Variants in NRXN3 observed in about 807,000 individuals in gnomAD.
NRXN3 encodes the protein neurexin 3.
Under a neutral mutation model 137.6 loss-of-function variants are expected in NRXN3, and 32 were observed. That is an observed-to-expected ratio of 0.23 (90% CI 0.18 to 0.31). The LOEUF is 0.31. NRXN3 is among the 10% of genes least tolerant of loss of function. NRXN3 has a pLI of 1.00. For missense variants in NRXN3, 1,574 were observed against 2,062.5 expected (o/e 0.76, Z 4.59); for synonymous variants, 798 against 784.5 (o/e 1.02, Z -0.29).
chr14:78,667,916 T>C (rs1035891076), intron 6 of NRXN3, among the ~76,000 whole-genome samples: 3 of 152,100 alleles, frequency 2.0e-5, no homozygotes, highest in African/African-American at 7.2e-5. Context: ...CCCGAGTAGC[T>C]GGGATTACAA....
chr14:78,354,117 T>C (rs1285848472), intron 4 of NRXN3, among the ~76,000 whole-genome samples: 1 of 152,202 alleles, frequency 6.6e-6, no homozygotes. Context: ...CTACTATTAA[T>C]GAAAATCTGT....
chr14:79,097,631 A>G (rs2050581657), intron 15 of NRXN3, among the ~76,000 whole-genome samples: 1 of 152,216 alleles, frequency 6.6e-6, no homozygotes. Context: ...TCACTGGTTC[A>G]TTCTGTGTTT....
chr14:78,928,635 C>CT (rs1291985290), intron 10 of NRXN3, among the ~76,000 whole-genome samples: 1 of 152,062 alleles, frequency 6.6e-6, no homozygotes, highest in Non-Finnish European at 1.5e-5. Context: ...TGAACTCATC[C>CT]TTTTTTATGG....
rs536216101 is a variant in NRXN3, at chr14:79,158,929, C to T, written c.3262+170788C>T. On this transcript the variant is annotated intron_variant, in intron 15 of 20. Transcript: ENST00000335750. The stretch of plus-strand genomic sequence containing the variant: ...TGCAAGATGGTTGCCTAATTATTTC[C>T]CATCAAAACTCTCACAAAATTGCTC... Among the ~76,000 whole-genome samples the T allele has an allele frequency of 7.3e-4, 110 of 151,708 alleles. 1 individual carries two copies. The highest frequency in any genetic ancestry group is 1.4e-3 in the Non-Finnish European group (97 of 67,838).
chr14:78,311,735 CT>C (rs59691247), intron 4 of NRXN3, among the ~76,000 whole-genome samples: 13,374 of 147,954 alleles, frequency 0.09, 1,039 homozygotes, highest in East Asian at 0.3. Flanking sequence ...GATGTGTCTG[CT>C]TTTTTTTTTG....
At chr14:78,398,871 C>T (rs1046187916) in intron 4 of NRXN3, among the ~76,000 whole-genome samples, 9 of 152,256 alleles carry the variant, frequency 5.9e-5, no homozygotes, top group South Asian at 2.1e-4. Flanking sequence ...CCTGGCTTGG[C>T]CTTATCTGAT....
intron 15 of NRXN3, among the ~76,000 whole-genome samples, chr14:79,402,143 C>T (rs2095217292): frequency 6.6e-6 from 1 of 152,018 alleles, no homozygotes; most frequent in Admixed American, 6.6e-5. Context: ...CTGTGTTGCT[C>T]AGGCTGGCCT....
At chr14:79,508,898 A>G (rs973752882) in intron 16 of NRXN3, among the ~76,000 whole-genome samples, 1 of 152,152 alleles carries the variant, frequency 6.6e-6, no homozygotes, top group African/African-American at 2.4e-5. Flanking sequence ...TACTGTAATC[A>G]ATAATAATGC....
At position 79,663,799 on chromosome 14, in the gene NRXN3, G is replaced by C. The variant is rs1407699472; in HGVS notation, c.3466G>C (p.Val1156Leu). Residue 1156 changes from valine to leucine, a missense_variant, in exon 17 of 21, where the codon GTC (valine) becomes CTC (leucine). This residue lies in a region of NRXN3 where 133 missense variants were observed against 241.8 expected (regional missense o/e 0.55). Coordinates refer to ENST00000335750, the MANE Select transcript of NRXN3 (RefSeq NM_001330195.2). ...ATAGGAACAGGGGAAAATTGGAGTTGTCTTCAACATTGGCACAGTTGACAT... is the reference window on the plus strand; with the variant it reads ...ATAGGAACAGGGGAAAATTGGAGTTCTCTTCAACATTGGCACAGTTGACAT... ...LHIEQGKIGVVFNIGTVDISI... is the reference protein window; with the variant it reads ...LHIEQGKIGVLFNIGTVDISI... 2.5e-6 allele frequency: 4 copies of C among 1,613,038 alleles called. No individual in the cohort carries two copies. The highest frequency in any genetic ancestry group is 3.4e-6 in the Non-Finnish European group (4 of 1,179,460).
At chr14:78,638,347 G>A (rs2097584304) in intron 4 of NRXN3, among the ~76,000 whole-genome samples, 1 of 152,196 alleles carries the variant, frequency 6.6e-6, no homozygotes, top group African/African-American at 2.4e-5. Context: ...AAATACCTGT[G>A]TGATGGGATG....
chr14:79,241,299 G>A (rs1490083838), intron 15 of NRXN3, among the ~76,000 whole-genome samples: 1 of 152,088 alleles, frequency 6.6e-6, no homozygotes, highest in African/African-American at 2.4e-5. Context: ...TGGCCAAGGT[G>A]GCTGTATTAG....
chr14:78,767,468 G>C (rs2098712728), intron 8 of NRXN3, among the ~76,000 whole-genome samples: 1 of 152,190 alleles, frequency 6.6e-6, no homozygotes, highest in African/African-American at 2.4e-5. Context: ...TGAATATCAA[G>C]AGGTGAAGAG....
intron 8 of NRXN3, among the ~76,000 whole-genome samples, chr14:78,750,794 G>C (rs2152951319): frequency 6.6e-6 from 1 of 152,268 alleles, no homozygotes; most frequent in African/African-American, 2.4e-5. Context: ...TGTTTATGAA[G>C]ACTCAGGCTT....
At chr14:79,624,331 TG>T (rs2098258349) in intron 16 of NRXN3, among the ~76,000 whole-genome samples, 1 of 152,064 alleles carries the variant, frequency 6.6e-6, no homozygotes, top group South Asian at 2.1e-4. Flanking sequence ...GACCAAAGAG[TG>T]ACAAGAGAAA....
rs58492725 is a variant in NRXN3 at position 79,819,482 on chromosome 14, C to CTTTTTTTTTTTTTTTT, written c.4093+14297_4093+14312dup. On this transcript the variant is annotated intron_variant, in intron 20 of 20. Coordinates refer to ENST00000335750, the MANE Select transcript of NRXN3 (RefSeq NM_001330195.2). Reference sequence around the variant, plus strand: ...ATAGGATACAACAGGACATTAAAAGCTTTTTTTTTTTTTTTTTTTTGAGAC... The same window carrying CTTTTTTTTTTTTTTTT: ...ATAGGATACAACAGGACATTAAAAGCTTTTTTTTTTTTTTTTTTTTTTTTTTTTTTTTTTTTGAGAC... Among the ~76,000 whole-genome samples the CTTTTTTTTTTTTTTTT allele has an allele frequency of 3.8e-4, 27 of 71,920 alleles. 4 individuals carry two copies. Among genetic ancestry groups the CTTTTTTTTTTTTTTTT allele is most frequent in the African/African-American group, 1.2e-3 (19 of 15,636 alleles). 47.2% of individuals were successfully genotyped at this position (71,920 alleles called of 152,430 possible).
chr14:79,677,298 AATATAG>A (rs2098645968), intron 17 of NRXN3, among the ~76,000 whole-genome samples: 1 of 152,206 alleles, frequency 6.6e-6, no homozygotes, highest in East Asian at 1.9e-4. Flanking sequence ...ATATAAATCT[AATATAG>A]ATATATATGT....
At chr14:78,863,834 C>T (rs1363256706) in intron 10 of NRXN3, among the ~76,000 whole-genome samples, 1 of 152,078 alleles carries the variant, frequency 6.6e-6, no homozygotes, top group Non-Finnish European at 1.5e-5. Context: ...TCCCACTTCT[C>T]CTTCCTCCTC....
At chr14:78,749,248 A>ACTATTTT (rs1412484587) in intron 8 of NRXN3, among the ~76,000 whole-genome samples, 1 of 152,170 alleles carries the variant, frequency 6.6e-6, no homozygotes, top group Non-Finnish European at 1.5e-5. Flanking sequence ...ATGCACAGAA[A>ACTATTTT]CTATCGATTC....
intron 10 of NRXN3, among the ~76,000 whole-genome samples, chr14:78,861,975 T>C (rs1415839676): frequency 6.6e-6 from 1 of 152,152 alleles, no homozygotes; most frequent in East Asian, 1.9e-4. Flanking sequence ...GCACTGACGA[T>C]ATTAAAGTGA....
Sources: allele counts gnomAD v4.1 joint callset (sites outside exome capture counted in the v4.1 genomes callset), GRCh38; gene constraint gnomAD v4.1.1; regional missense constraint gnomAD v4.1.1; transcripts MANE v1.5; gene names NCBI Gene and HGNC (gene_info 2026-07-23, HGNC 2026-07-21).